Variants in CFAP92 observed in about 807,000 individuals in gnomAD.
CFAP92 encodes uncharacterized protein CFAP92.
Under a neutral mutation model 106.3 loss-of-function variants are expected in CFAP92, and 86 were observed. The ratio of observed to expected loss-of-function variants is 0.81; its 90% confidence interval spans 0.68 to 0.97. CFAP92 has a LOEUF of 0.97. Among genes scored for constraint, CFAP92 ranks in the 50% least tolerant of loss-of-function variants. CFAP92 has a pLI of 0.00. For missense variants in CFAP92, 1,204 were observed against 1,283.8 expected (o/e 0.94, Z 0.95); for synonymous variants, 477 against 506.4 (o/e 0.94, Z 0.78).
In CFAP92 at chr3:128,971,431, T is replaced by A; in HGVS notation, c.1024A>T (p.Lys342Ter). 1.2e-6 allele frequency: 2 copies of A among 1,601,138 alleles called. No homozygotes were observed. Among genetic ancestry groups the A allele is most frequent in the African/African-American group, 2.7e-5 (2 of 74,470 alleles). The change falls in exon 8 of 16, where the codon AAA (lysine) becomes TAA (stop). Residue 342 changes from lysine to a stop codon, truncating the protein, a stop_gained and splice_region_variant. Coordinates refer to ENST00000645291, the MANE Select transcript of CFAP92 (RefSeq NM_001394090.1). LOFTEE classifies it high-confidence loss of function. ...CTTCTTCCCTCTGAATCTTTCCCTTTAACTGTGAAATCAAACAAAGGAGAT... is the reference window on the plus strand; with the variant it reads ...CTTCTTCCCTCTGAATCTTTCCCTTAAACTGTGAAATCAAACAAAGGAGAT... ...NILDRQRSQI[K>*]GKDSEGRRKI...
At chr3:128,953,603 CT>C (rs1363575358) in intron 9 of CFAP92, among the ~76,000 whole-genome samples, 2 of 119,798 alleles carry the variant, frequency 1.7e-5, no homozygotes, top group African/African-American at 8.7e-5. Flanking sequence ...CTCCCTCCCC[CT>C]CTCCCTCTCC....
chr3:128,981,211 T>C (rs535666439), intron 4 of CFAP92, among the ~76,000 whole-genome samples: 1 of 150,928 alleles, frequency 6.6e-6, no homozygotes, highest in Non-Finnish European at 1.5e-5. Flanking sequence ...TAATTTTTTG[T>C]ATTTTGAGTA....
chr3:128,989,853 C>A (rs969529513), intron 2 of CFAP92, among the ~76,000 whole-genome samples: 1 of 152,178 alleles, frequency 6.6e-6, no homozygotes, highest in Non-Finnish European at 1.5e-5. Context: ...TAGCATTAGA[C>A]CTTTTCTGAT....
At position 128,945,414 on chromosome 3, in the gene CFAP92, C is replaced by T. The variant is rs1256241208; in HGVS notation, c.1915G>A (p.Ala639Thr). 4.6e-6 allele frequency: 7 copies of T among 1,536,030 alleles called. No homozygotes were observed. The highest frequency in any genetic ancestry group is 2.4e-5 in the South Asian group (2 of 84,072). ...DSQLKLRVDI[A>T]VPLRAGARAA... ...CTGGCCCCGGCCCTCAGTGGCACCGCGATGTCCACTCGCAACTTGAGCTGG... is the reference window on the plus strand; with the variant it reads ...CTGGCCCCGGCCCTCAGTGGCACCGTGATGTCCACTCGCAACTTGAGCTGG... The change falls in exon 10 of 16, where the codon GCG becomes ACG. Residue 639 changes from alanine (A) to threonine (T), a missense_variant. Physicochemically the swap from Ala to Thr is moderately conservative, Grantham distance 58 (BLOSUM62 0). Transcript: ENST00000645291.
intron 10 of CFAP92, among the ~76,000 whole-genome samples, chr3:128,943,158 T>TC (rs1428715892): frequency 6.6e-6 from 1 of 152,182 alleles, no homozygotes; most frequent in African/African-American, 2.4e-5. Context: ...GACCTCGTGA[T>TC]CTGCCTGCCT....
In CFAP92 at chr3:128,999,770, T is replaced by C. The variant is rs186842081; in HGVS notation, n.117+2804A>G. On this transcript the variant is annotated intron_variant and non_coding_transcript_variant, in intron 1 of 4. Coordinates refer to the CFAP92 transcript ENST00000510149. ...GTTGTCCAGGCTGTTCTCGAACTCT[T>C]GACCTCAGGCAATCCACCCGCCTCG... Among the ~76,000 whole-genome samples, 731 of 152,176 alleles carry C rather than the reference T, an allele frequency of 4.8e-3. 7 individuals are homozygous for C. The highest frequency in any genetic ancestry group is 0.017 in the African/African-American group (696 of 41,484).
At chr3:129,014,431 A>G in the CFAP92 span, among the ~76,000 whole-genome samples, 1 of 152,206 alleles carries the variant, frequency 6.6e-6, no homozygotes, top group African/African-American at 2.4e-5. The surrounding 1 kb of genome is among the most constrained non-coding windows in gnomAD (Gnocchi z 4.3). Context: ...GCTGGCAGCC[A>G]GGGCCGCCTT....
chr3:129,022,302 G>A, the CFAP92 span, among the ~76,000 whole-genome samples: 4 of 152,340 alleles, frequency 2.6e-5, no homozygotes, highest in South Asian at 8.3e-4. Context: ...TAGAGGCTCA[G>A]AGACGGGGAG....
chr3:128,951,668 C>T (rs2107738988), intron 9 of CFAP92, among the ~76,000 whole-genome samples: 1 of 152,276 alleles, frequency 6.6e-6, no homozygotes, highest in East Asian at 1.9e-4. Flanking sequence ...CAAGAAAAGT[C>T]TGCTTTCTCC....
At chr3:129,003,737 G>C (rs573499924), upstream of CFAP92, 1 of 1,300,288 alleles carries the variant, frequency 7.7e-7, no homozygotes, top group South Asian at 1.8e-5. Context: ...GCGGGCGTTC[G>C]TCTGGTGCAT....
intron 7 of CFAP92, 25 bp downstream of exon 7, chr3:128,975,754 A>G (rs1433153173): frequency 1.3e-6 from 2 of 1,526,944 alleles, no homozygotes; most frequent in East Asian, 2.3e-5. Context: ...ATATTATAAA[A>G]TTCCCAAATC....
At chr3:128,991,341 C>T (rs567708121) in intron 2 of CFAP92, 1 of 152,458 alleles carries the variant, frequency 6.6e-6, no homozygotes, top group Admixed American at 6.5e-5. Context: ...CAGTTCTAAA[C>T]ATACTATACA....
In CFAP92 at chr3:128,978,155, T is replaced by C. The variant is rs1473367331; in HGVS notation, c.698A>G (p.Lys233Arg). The change falls in exon 5 of 16, where the codon AAA becomes AGA. Residue 233 changes from lysine (K) to arginine (R), a missense_variant. Coordinates refer to ENST00000645291, the MANE Select transcript of CFAP92 (RefSeq NM_001394090.1). ...EVRHLVLNQR[K>R]LSEQGIENTN... ...ATTCTCAATGCCCTGTTCAGATAATTTTCTCTGATTTAAAACCAAATGTCT... is the reference window on the plus strand; with the variant it reads ...ATTCTCAATGCCCTGTTCAGATAATCTTCTCTGATTTAAAACCAAATGTCT... 28 of 1,613,644 alleles carry C rather than the reference T, an allele frequency of 1.7e-5. No homozygotes were observed. Among genetic ancestry groups the C allele is most frequent in the Non-Finnish European group, 2.0e-5 (24 of 1,179,750 alleles).
At chr3:128,993,672 C>T (rs1292547712) in intron 1 of CFAP92, 1 of 343,414 alleles carries the variant, frequency 2.9e-6, no homozygotes, top group African/African-American at 2.1e-5. Context: ...GGAGAGGGGA[C>T]GTCTGCTCAG....
intron 10 of CFAP92, among the ~76,000 whole-genome samples, chr3:128,935,523 C>T (rs1938907771): frequency 1.3e-5 from 2 of 152,034 alleles, no homozygotes; most frequent in Admixed American, 6.6e-5. Flanking sequence ...ACCAGCCTGA[C>T]GAACATGGAG....
intron 9 of CFAP92, among the ~76,000 whole-genome samples, chr3:128,961,835 G>A (rs559401165): frequency 1.3e-5 from 2 of 152,246 alleles, no homozygotes; most frequent in South Asian, 4.2e-4. Context: ...CTCCTTCAAG[G>A]TGTACAATAA....
Position 128,945,382 on chromosome 3 carries a change from A to G in CFAP92, c.1947T>C (p.Ala649=). 6.5e-7 allele frequency: 1 copy of G among 1,536,168 alleles called. No individual in the cohort carries two copies. Among genetic ancestry groups the G allele is most frequent in the Non-Finnish European group, 8.7e-7 (1 of 1,146,912 alleles). ...ACTGGGAGCCCCCAAGGTCAGGATC[A>G]GCAGCTCTGGCCCCGGCCCTCAGTG... ...AVPLRAGARA[A]DPDLGGSQFG... The change falls in exon 10 of 16, where the codon GCT becomes GCC. Residue 649 remains alanine, a synonymous_variant. Coordinates refer to ENST00000645291, the MANE Select transcript of CFAP92 (RefSeq NM_001394090.1).
chr3:128,915,817 T>C, intron 13 of CFAP92: 5 of 495,886 alleles, frequency 1.0e-5, no homozygotes, highest in South Asian at 3.9e-5. Context: ...GGTAGCTGCC[T>C]TGATAAGCAG....
At chr3:128,937,122 G>A (rs958948901) in intron 10 of CFAP92, among the ~76,000 whole-genome samples, 1 of 151,684 alleles carries the variant, frequency 6.6e-6, no homozygotes, top group Non-Finnish European at 1.5e-5. Flanking sequence ...GCAACCTGGT[G>A]AAACCCCATC....
Sources: allele counts gnomAD v4.1 joint callset (sites outside exome capture counted in the v4.1 genomes callset), GRCh38; gene constraint gnomAD v4.1.1; non-coding constraint Gnocchi (gnomAD v3.1); transcripts MANE v1.5; gene names NCBI Gene and HGNC (gene_info 2026-07-23, HGNC 2026-07-21).